The following DCP1A variants were observed in gnomAD, a reference collection of about 807,000 sequenced individuals.
The protein encoded by DCP1A is mRNA-decapping enzyme 1A.
A neutral mutation model predicts 58.0 loss-of-function variants in DCP1A; 20 were observed. The observed-to-expected ratio is 0.34, with a 90% CI of 0.24 to 0.50. The LOEUF (loss-of-function observed/expected upper bound fraction) is 0.50. Among genes scored for constraint, DCP1A ranks in the 20% least tolerant of loss-of-function variants. DCP1A has a pLI of 0.98. For missense variants in DCP1A, 613 were observed against 712.2 expected, an observed-to-expected ratio of 0.86 and a Z score of 1.59; for synonymous variants, 285 against 275.1, an observed-to-expected ratio of 1.04 and a Z score of -0.36.
At chr3:53,304,375 A>G (rs2106820459) in intron 5 of DCP1A, 85 bp from the exon 6 acceptor site, 1 of 903,146 alleles carries the variant, frequency 1.1e-6, no homozygotes, top group East Asian at 2.6e-5. Flanking sequence ...GAGGTTATCA[A>G]AAATGTTATT....
chr3:53,301,986 T>G (rs1707325723), intron 6 of DCP1A, among the ~76,000 whole-genome samples: 1 of 152,058 alleles, frequency 6.6e-6, no homozygotes, highest in African/African-American at 2.4e-5. Context: ...AGAGGCAGAA[T>G]AGGGTATGAC....
At chr3:53,301,054 A>G (rs1207326667) in intron 6 of DCP1A, among the ~76,000 whole-genome samples, 1 of 152,222 alleles carries the variant, frequency 6.6e-6, no homozygotes, top group Non-Finnish European at 1.5e-5. Flanking sequence ...TCACAAAAGG[A>G]AGATGAAGTG....
At chr3:53,339,343 A>C (rs2089166615) in intron 3 of DCP1A, among the ~76,000 whole-genome samples, 1 of 152,200 alleles carries the variant, frequency 6.6e-6, no homozygotes, top group Non-Finnish European at 1.5e-5. Context: ...CTTTTGTTTC[A>C]ATCAGTTGAA....
intron 6 of DCP1A, among the ~76,000 whole-genome samples, chr3:53,296,644 G>T (rs1707136554): frequency 6.6e-6 from 1 of 152,130 alleles, no homozygotes; most frequent in Non-Finnish European, 1.5e-5. Flanking sequence ...AAATTCAGTG[G>T]CCTTTAGTAT....
chr3:53,324,713 T>C (rs991356355), intron 3 of DCP1A, among the ~76,000 whole-genome samples: 5 of 152,204 alleles, frequency 3.3e-5, no homozygotes, highest in Non-Finnish European at 7.3e-5. Flanking sequence ...TCATGTTGCA[T>C]AGGATAGACA....
chr3:53,325,570 GA>G (rs1485428102), intron 3 of DCP1A, among the ~76,000 whole-genome samples: 2 of 152,142 alleles, frequency 1.3e-5, no homozygotes, highest in Non-Finnish European at 2.9e-5. Context: ...ACAAAAACAA[GA>G]AAACGGGCTT....
intron 3 of DCP1A, among the ~76,000 whole-genome samples, chr3:53,331,989 T>C (rs1553691335): frequency 6.6e-6 from 1 of 152,264 alleles, no homozygotes; most frequent in Non-Finnish European, 1.5e-5. Flanking sequence ...CAATTACTTT[T>C]GCACCAACCT....
chr3:53,296,315 G>C (rs1488526591), intron 6 of DCP1A, among the ~76,000 whole-genome samples: 1 of 152,204 alleles, frequency 6.6e-6, no homozygotes, highest in African/African-American at 2.4e-5. Flanking sequence ...ACCAAGGCTA[G>C]GCTATTATAA....
chr3:53,330,857 A>AT (rs35396974), intron 3 of DCP1A, among the ~76,000 whole-genome samples: 2,952 of 93,512 alleles, frequency 0.032, 76 homozygotes, highest in South Asian at 0.053. Flanking sequence ...AGTATATGTA[A>AT]TTTTTTTTTT....
At chr3:53,287,994 G>A in intron 9 of DCP1A, 71 bp downstream of exon 9, 1 of 1,420,644 alleles carries the variant, frequency 7.0e-7, no homozygotes, top group Non-Finnish European at 9.7e-7. Context: ...AACTGATTCT[G>A]TAAGAGGAAT....
At chr3:53,334,873 AG>A (rs1264132379) in intron 3 of DCP1A, among the ~76,000 whole-genome samples, 2 of 151,940 alleles carry the variant, frequency 1.3e-5, no homozygotes, top group Admixed American at 1.3e-4. Context: ...TTTGTTGAAA[AG>A]TATCTTTATT....
intron 3 of DCP1A, among the ~76,000 whole-genome samples, chr3:53,340,446 T>C (rs1553692405): frequency 2.0e-5 from 3 of 152,194 alleles, no homozygotes; most frequent in Non-Finnish European, 2.9e-5. Flanking sequence ...CAAAGTGTGC[T>C]ACGGAAAAGA....
In DCP1A at chr3:53,347,297, GC is replaced by G. The variant is rs528854476; in HGVS notation, c.135+85del. 1.2e-4 allele frequency: 170 copies of G among 1,381,814 alleles called. 1 individual carries two copies. In the South Asian group the frequency reaches 2.3e-3, roughly 19 times the overall value. The allele number at this position is 1,381,814 out of a possible 1,614,324, so 85.6% of individuals were successfully genotyped here. ...CTCCACCGCCCTGGCCTCTTAGTGTGCCCCCCCACCCCACAGTAACCCGCGC... is the reference window on the plus strand; with the variant it reads ...CTCCACCGCCCTGGCCTCTTAGTGTGCCCCCCACCCCACAGTAACCCGCGC... On this transcript the variant is annotated intron_variant, in intron 1 of 9. Transcript: ENST00000610213.
chr3:53,327,095 G>A (rs376809435), intron 3 of DCP1A, among the ~76,000 whole-genome samples: 27 of 151,968 alleles, frequency 1.8e-4, no homozygotes, highest in African/African-American at 6.5e-4. Flanking sequence ...CCATGGATTT[G>A]AATTCCCATT....
At chr3:53,329,843 T>G (rs1264353208) in intron 3 of DCP1A, among the ~76,000 whole-genome samples, 1 of 152,214 alleles carries the variant, frequency 6.6e-6, no homozygotes, top group Non-Finnish European at 1.5e-5. Flanking sequence ...ATGAAAAAGT[T>G]GTCCTTATAA....
chr3:53,309,045 T>C (rs1707563216), intron 5 of DCP1A, among the ~76,000 whole-genome samples: 1 of 152,076 alleles, frequency 6.6e-6, no homozygotes, highest in Non-Finnish European at 1.5e-5. Context: ...ATGGGCCAAG[T>C]GTGGTTTCAA....
chr3:53,296,081 C>G (rs1707115722), intron 6 of DCP1A, among the ~76,000 whole-genome samples: 1 of 152,034 alleles, frequency 6.6e-6, no homozygotes, highest in South Asian at 2.1e-4. Context: ...TTTGTAGAGA[C>G]AGGATTCACC....
At chr3:53,296,897 C>T (rs782254656) in intron 6 of DCP1A, among the ~76,000 whole-genome samples, 1 of 152,150 alleles carries the variant, frequency 6.6e-6, no homozygotes, top group Non-Finnish European at 1.5e-5. Context: ...TGGGTATATA[C>T]CCAGGAGCAG....
At position 53,292,309 on chromosome 3, in the gene DCP1A, C is replaced by T. The variant is rs782233128; in HGVS notation, c.1143G>A (p.Val381=). Residue 381 remains valine (V), a synonymous_variant, in exon 7 of 10, where the codon GTG becomes GTA. Transcript: ENST00000610213. ...NQSPFRAPLN[V]TNTAGTSLPS... ...GGAGGGATGTGCCAGCTGTGTTCGTCACGTTCAATGGGGCCCTGAAGGGGC... is the reference window on the plus strand; with the variant it reads ...GGAGGGATGTGCCAGCTGTGTTCGTTACGTTCAATGGGGCCCTGAAGGGGC... 3.1e-6 allele frequency: 5 copies of T among 1,613,670 alleles called. No individual in the cohort carries two copies. Among genetic ancestry groups the T allele is most frequent in the Non-Finnish European group, 4.2e-6 (5 of 1,179,646 alleles).
Sources: allele counts gnomAD v4.1 joint callset (sites outside exome capture counted in the v4.1 genomes callset), GRCh38; gene constraint gnomAD v4.1.1; transcripts MANE v1.5; gene names NCBI Gene and HGNC (gene_info 2026-07-23, HGNC 2026-07-21).